LSAMP: variants seen among roughly 807,000 people sequenced by gnomAD.
The protein encoded by LSAMP is limbic system-associated membrane protein.
In LSAMP, 7 loss-of-function variants were observed where a neutral mutation model predicts 38.6. The ratio of observed to expected loss-of-function variants is 0.18; its 90% CI spans 0.10 to 0.34. LSAMP has a LOEUF of 0.34. Ranked by LOEUF, LSAMP falls within the 10% of genes least tolerant of loss-of-function variation. The probability of loss-of-function intolerance (pLI) is 1.00; values close to 1 mark genes in which losing one functional copy is unlikely to be tolerated. For missense variants in LSAMP, 313 were observed against 420.0 expected, an observed-to-expected ratio of 0.75 and a Z score of 2.23; for synonymous variants, 154 against 166.8, an observed-to-expected ratio of 0.92 and a Z score of 0.59.
At chr3:115,935,881 A>G (rs1041853618) in intron 3 of LSAMP, among the ~76,000 whole-genome samples, 1 of 152,188 alleles carries the variant, frequency 6.6e-6, no homozygotes, top group Non-Finnish European at 1.5e-5. Flanking sequence ...GCGTCCTGCC[A>G]ATCTCTTCCC....
At chr3:115,912,760 TTTGG>T (rs879814615) in intron 3 of LSAMP, among the ~76,000 whole-genome samples, 2 of 152,180 alleles carry the variant, frequency 1.3e-5, no homozygotes, top group Non-Finnish European at 2.9e-5. Context: ...TTTTTGGTCT[TTTGG>T]CTTTAGAAGG....
rs112822015 is a variant in LSAMP at position 116,405,148 on chromosome 3, T to C, written c.155+39729A>G. 1.4e-3 allele frequency among the ~76,000 whole-genome samples: 218 copies of C among 152,210 alleles called. 2 individuals carry two copies. Among genetic ancestry groups the C allele is most frequent in the Non-Finnish European group, 2.7e-3 (182 of 67,992 alleles). On this transcript the variant is annotated intron_variant, in intron 1 of 6. Transcript: ENST00000490035. The stretch of plus-strand genomic sequence containing the variant: ...TTGAAAAGATTCAAAAGAACAGGCA[T>C]AGATGCATGGTACTGACCGCAATAC...
At chr3:115,880,438 C>A (rs2107428109) in intron 3 of LSAMP, among the ~76,000 whole-genome samples, 1 of 152,208 alleles carries the variant, frequency 6.6e-6, no homozygotes, top group Non-Finnish European at 1.5e-5. Flanking sequence ...GAGTTAGTTT[C>A]TGTTGTTTAC....
rs1324847726 is a variant in LSAMP, at chr3:115,806,968, T to A, written c.*3349A>T. 1 of 152,202 alleles carries A rather than the reference T, an allele frequency of 6.6e-6. No individual in the cohort carries two copies. Among genetic ancestry groups the A allele is most frequent in the Non-Finnish European group, 1.5e-5 (1 of 68,032 alleles). 9.4% of individuals were successfully genotyped at this position (152,202 alleles called of 1,614,324 possible). On this transcript the variant is annotated 3_prime_UTR_variant, in exon 7 of 7. Coordinates refer to ENST00000490035, the MANE Select transcript of LSAMP (RefSeq NM_002338.5). Reference sequence around the variant, plus strand: ...TAACTGAAAGTTGGGTCTAAGGATTTCCTTTTACGAATGGTGGAGTTTTAC... The same window carrying A: ...TAACTGAAAGTTGGGTCTAAGGATTACCTTTTACGAATGGTGGAGTTTTAC...
chr3:116,216,592 G>A (rs1053570123), intron 1 of LSAMP, among the ~76,000 whole-genome samples: 3 of 151,824 alleles, frequency 2.0e-5, no homozygotes, highest in African/African-American at 7.3e-5. Flanking sequence ...ATAATATAAT[G>A]CATGAAGTGA....
At chr3:116,131,050 G>A (rs889179292) in intron 1 of LSAMP, among the ~76,000 whole-genome samples, 6 of 147,782 alleles carry the variant, frequency 4.1e-5, no homozygotes, top group African/African-American at 1.0e-4. Flanking sequence ...GAGTGCAGTG[G>A]CACGGTCTTG....
intron 3 of LSAMP, among the ~76,000 whole-genome samples, chr3:115,934,416 A>G (rs1393701807): frequency 2.0e-5 from 3 of 151,956 alleles, no homozygotes; most frequent in Non-Finnish European, 2.9e-5. Context: ...ACCTCAAGCA[A>G]TCCACCTGCC....
intron 1 of LSAMP, among the ~76,000 whole-genome samples, chr3:116,254,269 T>C (rs1379485656): frequency 2.6e-5 from 4 of 152,166 alleles, no homozygotes; most frequent in Admixed American, 6.6e-5. Context: ...TAATAGTCCA[T>C]GTATTGATTC....
At chr3:116,196,521 C>T (rs969984073) in intron 1 of LSAMP, among the ~76,000 whole-genome samples, 2 of 151,736 alleles carry the variant, frequency 1.3e-5, no homozygotes, top group East Asian at 1.9e-4. Context: ...TATTTCTCCC[C>T]GATATACTAT....
At chr3:115,978,045 G>C (rs1407818903) in intron 3 of LSAMP, among the ~76,000 whole-genome samples, 1 of 151,534 alleles carries the variant, frequency 6.6e-6, no homozygotes, top group Non-Finnish European at 1.5e-5. Context: ...CGGTCTCTCT[G>C]TTGCCCCTGC....
chr3:116,189,223 A>G (rs1329255729), intron 1 of LSAMP, among the ~76,000 whole-genome samples: 2 of 152,242 alleles, frequency 1.3e-5, no homozygotes, highest in African/African-American at 2.4e-5. Flanking sequence ...GAAGTAAGGC[A>G]GAGAGACCTA....
At chr3:115,893,320 A>G (rs1174224072) in intron 3 of LSAMP, among the ~76,000 whole-genome samples, 1 of 151,954 alleles carries the variant, frequency 6.6e-6, no homozygotes, top group Non-Finnish European at 1.5e-5. Context: ...AGAATAAATA[A>G]CTTTTGGCTT....
chr3:116,419,859 C>G (rs1430329846), intron 1 of LSAMP, among the ~76,000 whole-genome samples: 1 of 152,170 alleles, frequency 6.6e-6, no homozygotes, highest in African/African-American at 2.4e-5. Flanking sequence ...TTTAGACATA[C>G]AGCCAAACCA....
intron 3 of LSAMP, among the ~76,000 whole-genome samples, chr3:116,014,632 C>T (rs1257825172): frequency 6.6e-6 from 1 of 152,076 alleles, no homozygotes; most frequent in Non-Finnish European, 1.5e-5. Flanking sequence ...CATATGCTAC[C>T]AAGTTTGACT....
chr3:115,971,288 A>G (rs1193455138), intron 3 of LSAMP, among the ~76,000 whole-genome samples: 1 of 152,204 alleles, frequency 6.6e-6, no homozygotes, highest in Non-Finnish European at 1.5e-5. Context: ...TGTTCCATTA[A>G]AAGTTTCATA....
intron 3 of LSAMP, among the ~76,000 whole-genome samples, chr3:115,911,055 T>C (rs1379216355): frequency 6.6e-6 from 1 of 152,226 alleles, no homozygotes; most frequent in Non-Finnish European, 1.5e-5. Context: ...ATTCTATGCA[T>C]GTAACAAAAT....
rs1576220535 is a variant in LSAMP, at chr3:115,921,396, A to G, written c.515-68779T>C. On this transcript the variant is annotated intron_variant, in intron 3 of 6. Coordinates refer to ENST00000490035, the MANE Select transcript of LSAMP (RefSeq NM_002338.5). ...TGCCTACAAAAAGCATCTTATAACA[A>G]TCTATTTTAAGCTGACAATTCTATT... Among the ~76,000 whole-genome samples the G allele has an allele frequency of 3.9e-5, 6 of 152,212 alleles. 1 individual carries two copies. The highest frequency in any genetic ancestry group is 1.4e-4 in the African/African-American group (6 of 41,568).
At chr3:115,828,589 C>G (rs1934505081) in intron 6 of LSAMP, among the ~76,000 whole-genome samples, 4 of 152,210 alleles carry the variant, frequency 2.6e-5, no homozygotes, top group Admixed American at 2.6e-4. Context: ...TTCTGTCCAT[C>G]AAGATCCTGG....
At chr3:116,222,134 T>C (rs2046292872) in intron 1 of LSAMP, among the ~76,000 whole-genome samples, 1 of 152,024 alleles carries the variant, frequency 6.6e-6, no homozygotes, top group Non-Finnish European at 1.5e-5. Flanking sequence ...CTAATCCTCC[T>C]CCAACACTAA....
Sources: gnomAD v4.1 joint callset for allele counts (sites outside exome capture counted in the v4.1 genomes callset) on GRCh38, gnomAD v4.1.1 for gene constraint, MANE v1.5 for transcripts, NCBI Gene and HGNC (gene_info 2026-07-23, HGNC 2026-07-21) for gene names.